The following POU6F2 variants were observed in gnomAD, a reference collection of about 807,000 sequenced individuals.
The protein encoded by POU6F2 is POU class 6 homeobox 2.
In POU6F2, 31 loss-of-function variants were observed where a neutral mutation model predicts 71.3. The observed-to-expected ratio is 0.43, with a 90% confidence interval of 0.33 to 0.59. POU6F2 has a LOEUF of 0.59. Ranked by LOEUF, POU6F2 falls within the 20% of genes least tolerant of loss-of-function variation. The probability of loss-of-function intolerance (pLI) is 0.04; values close to 1 mark genes in which losing one functional copy is unlikely to be tolerated. For missense variants in POU6F2, 783 were observed against 856.8 expected (o/e 0.91, Z 1.07); for synonymous variants, 347 against 355.7 (o/e 0.98, Z 0.27).
intron 1 of POU6F2, among the ~76,000 whole-genome samples, chr7:39,027,055 G>C (rs1248210812): frequency 6.6e-6 from 1 of 152,032 alleles, no homozygotes; most frequent in African/African-American, 2.4e-5. Flanking sequence ...GATTGAAAGT[G>C]GTATCAAGTA....
At chr7:39,140,558 C>T (rs1178076126) in intron 2 of POU6F2, among the ~76,000 whole-genome samples, 1 of 152,146 alleles carries the variant, frequency 6.6e-6, no homozygotes, top group Non-Finnish European at 1.5e-5. Context: ...GCCACATCAT[C>T]CCAGTCTCTT....
At position 39,114,333 on chromosome 7, in the gene POU6F2, G is replaced by C. The variant is rs79821629; in HGVS notation, c.277+28302G>C. Among the ~76,000 whole-genome samples, 11 of 152,270 alleles carry C rather than the reference G, an allele frequency of 7.2e-5. 1 individual carries two copies. The East Asian group carries it at 1.9e-3, about 27-fold the overall frequency. Reference sequence around the variant, plus strand: ...GGGAAGCTCATTCATCTCTTCTGCAGGGTTAGAGTGAGTATTTGACTGTGG... The same window carrying C: ...GGGAAGCTCATTCATCTCTTCTGCACGGTTAGAGTGAGTATTTGACTGTGG... On this transcript the variant is annotated intron_variant, in intron 2 of 9. Coordinates refer to ENST00000518318, the MANE Select transcript of POU6F2 (RefSeq NM_001370959.1).
At chr7:39,092,708 G>A (rs776050485) in intron 2 of POU6F2, among the ~76,000 whole-genome samples, 1 of 152,120 alleles carries the variant, frequency 6.6e-6, no homozygotes, top group Non-Finnish European at 1.5e-5. Context: ...CCTCCTGATT[G>A]TCAAAGTCAG....
At chr7:39,228,618 T>C (rs1326811953) in intron 4 of POU6F2, among the ~76,000 whole-genome samples, 1 of 152,240 alleles carries the variant, frequency 6.6e-6, no homozygotes, top group African/African-American at 2.4e-5. Flanking sequence ...GGACAGCCCA[T>C]GTAATCACAG....
At chr7:39,324,213 A>G (rs563828328) in intron 4 of POU6F2, among the ~76,000 whole-genome samples, 1 of 152,280 alleles carries the variant, frequency 6.6e-6, no homozygotes, top group East Asian at 1.9e-4. Flanking sequence ...AAATATGGAA[A>G]CCATCTGAGG....
At chr7:39,334,002 T>C (rs973072504) in intron 4 of POU6F2, among the ~76,000 whole-genome samples, 3 of 152,162 alleles carry the variant, frequency 2.0e-5, no homozygotes, top group Non-Finnish European at 4.4e-5. Context: ...GCTGCTAGAG[T>C]TGGCAGAAAC....
In POU6F2 at chr7:39,464,070, G is replaced by T; in HGVS notation, c.1659-112G>T. 6.5e-6 allele frequency: 9 copies of T among 1,379,454 alleles called. No individual in the cohort carries two copies. The highest frequency in any genetic ancestry group is 9.0e-6 in the Non-Finnish European group (9 of 1,005,346). 85.5% of individuals were successfully genotyped at this position (1,379,454 alleles called of 1,614,324 possible). A position where few individuals can be genotyped will look rare whatever the true frequency, so the allele number is the denominator to read the frequency against. On this transcript the variant is annotated intron_variant, in intron 9 of 9. Coordinates refer to ENST00000518318, the MANE Select transcript of POU6F2 (RefSeq NM_001370959.1). This position sits in a 1 kb window ranked among gnomAD's most constrained non-coding sequence, Gnocchi z 4.1. ...GGCAGGGCTGGCTACCTTGCAGCTG[G>T]CTATTAACCTGCAGTAAATTCGCCC... is the stretch of plus-strand genomic sequence containing the variant.
At chr7:39,366,515 G>A (rs755522916) in intron 5 of POU6F2, among the ~76,000 whole-genome samples, 1 of 152,142 alleles carries the variant, frequency 6.6e-6, no homozygotes, top group Non-Finnish European at 1.5e-5. Context: ...CTGGGTATGA[G>A]CTTCTAAACT....
chr7:39,173,798 A>G (rs1244494934), intron 2 of POU6F2, among the ~76,000 whole-genome samples: 1 of 152,154 alleles, frequency 6.6e-6, no homozygotes, highest in Non-Finnish European at 1.5e-5. Context: ...CTGTCAGACA[A>G]TATGTTCTGA....
intron 1 of POU6F2, among the ~76,000 whole-genome samples, chr7:39,056,496 TG>T (rs1388264857): frequency 1.3e-5 from 2 of 152,192 alleles, no homozygotes; most frequent in Non-Finnish European, 2.9e-5. Flanking sequence ...CATTTTCTTT[TG>T]TTGTCTCCTT....
chr7:39,080,485 G>C (rs1457461819), intron 1 of POU6F2, among the ~76,000 whole-genome samples: 1 of 152,120 alleles, frequency 6.6e-6, no homozygotes, highest in Non-Finnish European at 1.5e-5. Flanking sequence ...TTTCTCCCAA[G>C]TTGAAATGTA....
At chr7:39,405,989 C>T (rs1787417770) in intron 5 of POU6F2, 1 of 152,216 alleles carries the variant, frequency 6.6e-6, no homozygotes, top group Admixed American at 6.5e-5. Context: ...AGGTTAAAGC[C>T]CCAAAATTGT....
chr7:39,023,876 T>G (rs893636932), intron 1 of POU6F2, among the ~76,000 whole-genome samples: 5 of 152,052 alleles, frequency 3.3e-5, no homozygotes, highest in African/African-American at 7.2e-5. Context: ...CAATGGTTGG[T>G]GAAAGAGCCA....
At chr7:39,093,432 T>C (rs1176737534) in intron 2 of POU6F2, among the ~76,000 whole-genome samples, 9 of 152,078 alleles carry the variant, frequency 5.9e-5, no homozygotes, top group African/African-American at 2.2e-4. Context: ...AGCTCACAAA[T>C]GAAGTAGAAT....
chr7:39,120,696 A>T (rs1315401666), intron 2 of POU6F2: 2 of 152,252 alleles, frequency 1.3e-5, no homozygotes, highest in Non-Finnish European at 2.9e-5. Flanking sequence ...TTTATTTTTT[A>T]AAATGAAATA....
At chr7:39,157,460 G>C (rs1057099763) in intron 2 of POU6F2, among the ~76,000 whole-genome samples, 1 of 151,920 alleles carries the variant, frequency 6.6e-6, no homozygotes, top group Non-Finnish European at 1.5e-5. Flanking sequence ...TAACATTACT[G>C]GTTATTGCAA....
intron 1 of POU6F2, chr7:39,006,972 C>T: frequency 8.2e-7 from 1 of 1,214,860 alleles, no homozygotes; most frequent in South Asian, 1.3e-5. Flanking sequence ...GTCATGTTTC[C>T]TTGAGTCAAA....
chr7:39,365,186 G>A (rs1786474328), intron 5 of POU6F2, among the ~76,000 whole-genome samples: 2 of 152,132 alleles, frequency 1.3e-5, no homozygotes. Context: ...ATAAAAACAG[G>A]CACATAGACC....
rs1789075056 is a variant in POU6F2, at chr7:39,466,456, A to G, written c.*1770A>G. 2 of 152,220 alleles carry G rather than the reference A, an allele frequency of 1.3e-5. No homozygotes were observed. The highest frequency in any genetic ancestry group is 2.1e-4 in the South Asian group (1 of 4,836). 9.4% of individuals were successfully genotyped at this position (152,220 alleles called of 1,614,324 possible). ...AGGAGCAGGCAAAAGAGAGCTGTCAATTTGCTTGCTGTTGAAATGTACATA... is the reference window on the plus strand; with the variant it reads ...AGGAGCAGGCAAAAGAGAGCTGTCAGTTTGCTTGCTGTTGAAATGTACATA... On this transcript the variant is annotated 3_prime_UTR_variant, in exon 10 of 10. Transcript: ENST00000518318.
Sources: gnomAD v4.1 joint callset for allele counts (sites outside exome capture counted in the v4.1 genomes callset) on GRCh38, gnomAD v4.1.1 for gene constraint, Gnocchi (gnomAD v3.1) non-coding constraint, MANE v1.5 for transcripts, NCBI Gene and HGNC (gene_info 2026-07-23, HGNC 2026-07-21) for gene names.